LRCH2: variants seen among roughly 807,000 people sequenced by gnomAD.
The protein encoded by LRCH2 is leucine rich repeats and calponin homology domain containing 2.
LRCH2 carries 38 observed loss-of-function variants against 68.9 expected under a neutral mutation model. The observed-to-expected ratio is 0.55, with a 90% CI of 0.43 to 0.72. LRCH2 has a LOEUF of 0.72. Among genes scored for constraint, LRCH2 ranks in the 30% least tolerant of loss-of-function variants. LRCH2 has a pLI of 0.00. For synonymous variants in LRCH2, 191 were observed against 208.1 expected (o/e 0.92, Z 0.71); for missense variants, 528 against 572.9 (o/e 0.92, Z 0.80).
intron 12 of LRCH2, 113 bp from the exon 13 acceptor site, chrX:115,150,183 G>A (rs1477670850): frequency 8.5e-6 from 5 of 587,627 alleles, no homozygotes; most frequent in Non-Finnish European, 1.2e-5. Flanking sequence ...ATTTACCCAT[G>A]TCTACACTTT....
chrX:115,171,202 C>T (rs1410306869), intron 5 of LRCH2, among the ~76,000 whole-genome samples: 1 of 111,100 alleles, frequency 9.0e-6, no homozygotes, highest in Non-Finnish European at 1.9e-5. Context: ...CATAAGCTTA[C>T]CTCACATGCA....
intron 5 of LRCH2, 122 bp from the exon 6 acceptor site, chrX:115,170,554 T>G: frequency 1.5e-6 from 1 of 676,906 alleles, no homozygotes; most frequent in Non-Finnish European, 2.0e-6. Context: ...ATACTTTGCA[T>G]ATTTAAATAA....
intron 1 of LRCH2, among the ~76,000 whole-genome samples, chrX:115,223,618 A>G: frequency 9.0e-6 from 1 of 110,534 alleles, no homozygotes; most frequent in Non-Finnish European, 1.9e-5. Context: ...CAAATCCACA[A>G]TGAAATCCTG....
intron 2 of LRCH2, among the ~76,000 whole-genome samples, chrX:115,187,107 C>T (rs376282230): frequency 1.8e-5 from 2 of 111,775 alleles, no homozygotes; most frequent in South Asian, 3.7e-4. Context: ...CGTGAGCCAC[C>T]GCACCCAGCC....
intron 15 of LRCH2, among the ~76,000 whole-genome samples, chrX:115,129,761 A>G (rs1351136814): frequency 8.9e-6 from 1 of 111,756 alleles, no homozygotes; most frequent in African/African-American, 3.3e-5. Flanking sequence ...CAAACTGTAG[A>G]AGTCGAATTT....
At chrX:115,134,567 T>C (rs782388734) in intron 14 of LRCH2, among the ~76,000 whole-genome samples, 1 of 112,019 alleles carries the variant, frequency 8.9e-6, no homozygotes, top group East Asian at 2.8e-4. Flanking sequence ...GCTAAATCTA[T>C]TCTGCCTGTG....
At chrX:115,205,260 A>C (rs1312628119) in intron 1 of LRCH2, among the ~76,000 whole-genome samples, 9 of 112,172 alleles carry the variant, frequency 8.0e-5, no homozygotes, top group Non-Finnish European at 1.9e-5. Flanking sequence ...GTTACAATTC[A>C]ATATGAGATT....
At chrX:115,153,100 A>T (rs1436886519) in intron 12 of LRCH2, among the ~76,000 whole-genome samples, 1 of 103,887 alleles carries the variant, frequency 9.6e-6, no homozygotes, top group Non-Finnish European at 2.0e-5. Context: ...CTTGAGACCG[A>T]GAGTTCAAAA....
chrX:115,215,150 A>G (rs73580142), intron 1 of LRCH2, among the ~76,000 whole-genome samples: 1,815 of 112,398 alleles, frequency 0.016, 21 homozygotes, highest in African/African-American at 0.052. Context: ...GAAGAAAAAG[A>G]TAAACATGAA....
chrX:115,116,759 A>ATT (rs2072086507), intron 20 of LRCH2, among the ~76,000 whole-genome samples: 1 of 111,455 alleles, frequency 9.0e-6, no homozygotes, highest in African/African-American at 3.2e-5. Flanking sequence ...CATACTTTTT[A>ATT]ACCACATACA....
At chrX:115,133,073 A>G (rs1556530808) in intron 14 of LRCH2, among the ~76,000 whole-genome samples, 5 of 111,827 alleles carry the variant, frequency 4.5e-5, no homozygotes, top group Admixed American at 2.9e-4. Context: ...AGAAATGACC[A>G]AACAGGAGAA....
intron 11 of LRCH2, among the ~76,000 whole-genome samples, chrX:115,159,150 C>A (rs1556540602): frequency 9.1e-6 from 1 of 109,795 alleles, no homozygotes; most frequent in African/African-American, 3.3e-5. Context: ...GAACATTTAA[C>A]AAGAGATCTA....
At chrX:115,146,291 G>A (rs904821048) in intron 14 of LRCH2, among the ~76,000 whole-genome samples, 1 of 111,358 alleles carries the variant, frequency 9.0e-6, no homozygotes, top group African/African-American at 3.3e-5. Flanking sequence ...GAAGGGTAGT[G>A]GGGGAGTAGA....
intron 1 of LRCH2, among the ~76,000 whole-genome samples, chrX:115,194,587 G>C (rs1000919103): frequency 3.6e-5 from 4 of 111,937 alleles, no homozygotes; most frequent in African/African-American, 1.3e-4. Context: ...TAATATAGTG[G>C]TCTCAGAGAT....
intron 20 of LRCH2, 59 bp from the exon 21 acceptor site, chrX:115,113,394 T>C: frequency 1.0e-6 from 1 of 961,714 alleles, no homozygotes; most frequent in African/African-American, 1.9e-5. Context: ...TAAAATTAAG[T>C]CAGAATTTGA....
chrX:115,161,110 T>C (rs1431548812), intron 11 of LRCH2, among the ~76,000 whole-genome samples: 1 of 107,285 alleles, frequency 9.3e-6, no homozygotes, highest in East Asian at 2.8e-4. Flanking sequence ...CCCAGCACTT[T>C]GGAAGGCCGA....
chrX:115,201,182 T>C (rs1556566092), intron 1 of LRCH2, among the ~76,000 whole-genome samples: 1 of 110,322 alleles, frequency 9.1e-6, no homozygotes, highest in Non-Finnish European at 1.9e-5. Context: ...TCATTCACTG[T>C]CACAAGAACA....
At chrX:115,124,955 T>G (rs2072173541) in intron 16 of LRCH2, among the ~76,000 whole-genome samples, 1 of 111,462 alleles carries the variant, frequency 9.0e-6, no homozygotes, top group African/African-American at 3.3e-5. Flanking sequence ...TACCTAAATC[T>G]TCTGTTAACA....
At chrX:115,172,081 C>T (rs2072608777) in intron 5 of LRCH2, among the ~76,000 whole-genome samples, 1 of 111,285 alleles carries the variant, frequency 9.0e-6, no homozygotes, top group Admixed American at 9.6e-5. Context: ...GCTTCTACTG[C>T]TATTTGTTTT....
Sources: allele counts gnomAD v4.1 joint callset (sites outside exome capture counted in the v4.1 genomes callset), GRCh38; gene constraint gnomAD v4.1.1; transcripts MANE v1.5; gene names NCBI Gene and HGNC (gene_info 2026-07-23, HGNC 2026-07-21).